The following ABCA5 variants were observed in gnomAD, a reference collection of about 807,000 sequenced individuals.
The protein encoded by ABCA5 is cholesterol transporter ABCA5.
Under a neutral mutation model 206.0 loss-of-function variants are expected in ABCA5, and 163 were observed. The ratio of observed to expected loss-of-function variants is 0.79; its 90% confidence interval spans 0.70 to 0.90. The LOEUF is 0.90. Among genes scored for constraint, ABCA5 ranks in the 40% least tolerant of loss-of-function variants. The probability of loss-of-function intolerance (pLI) is 0.00; values close to 1 mark genes in which losing one functional copy is unlikely to be tolerated. For missense variants in ABCA5, 1,859 were observed against 1,912.9 expected, an observed-to-expected ratio of 0.97 and a Z score of 0.53; for synonymous variants, 609 against 613.8, an observed-to-expected ratio of 0.99 and a Z score of 0.11.
chr17:69,298,279 GGA>G (rs1567774589), intron 9 of ABCA5, among the ~76,000 whole-genome samples: 8 of 97,266 alleles, frequency 8.2e-5, no homozygotes, highest in African/African-American at 3.2e-4. Context: ...AAGGAAGGAA[GGA>G]AGGGAGGGAG....
intron 21 of ABCA5, 33 bp downstream of exon 21, chr17:69,271,129 C>G: frequency 1.3e-6 from 2 of 1,591,368 alleles, no homozygotes; most frequent in Non-Finnish European, 1.7e-6. Flanking sequence ...GCATAACTCC[C>G]AAATGGATAT....
At chr17:69,252,894 A>G (rs1200001549) in intron 34 of ABCA5, among the ~76,000 whole-genome samples, 1 of 152,036 alleles carries the variant, frequency 6.6e-6, no homozygotes, top group African/African-American at 2.4e-5. Flanking sequence ...GGCACTGCAT[A>G]ATGACATTTC....
intron 2 of ABCA5, among the ~76,000 whole-genome samples, chr17:69,313,665 A>G (rs2075790717): frequency 6.6e-6 from 1 of 152,182 alleles, no homozygotes; most frequent in Non-Finnish European, 1.5e-5. Flanking sequence ...TGGATTCACC[A>G]TAAAAATGCC....
chr17:69,261,947 C>T (rs998915743), intron 24 of ABCA5, among the ~76,000 whole-genome samples, 199 bp from the exon 25 acceptor site: 8 of 151,880 alleles, frequency 5.3e-5, no homozygotes, highest in Admixed American at 2.0e-4. Context: ...CTAGCTACAA[C>T]GTTCTCTCTC....
chr17:69,284,079 G>GA lies in ABCA5; in HGVS notation c.2273-8dup, dbSNP rs777780778. The GA allele has an allele frequency of 3.1e-4, 475 of 1,532,016 alleles. No homozygotes were observed. Among genetic ancestry groups the GA allele is most frequent in the Non-Finnish European group, 3.9e-4 (451 of 1,144,544 alleles). The allele number at this position is 1,532,016 out of a possible 1,614,324, so 94.9% of individuals were successfully genotyped here. On this transcript the variant is annotated splice_polypyrimidine_tract_variant and splice_region_variant and intron_variant, in intron 17 of 38. Coordinates refer to ENST00000392676, the MANE Select transcript of ABCA5 (RefSeq NM_172232.4). ...TCTAGGGCAGAAAACAAACCTAAAA[G>GA]AAAAAAATGAAAGAATAGTATATCT... is the stretch of plus-strand genomic sequence containing the variant.
At chr17:69,293,747 G>T (rs2075552414) in intron 11 of ABCA5, among the ~76,000 whole-genome samples, 1 of 151,618 alleles carries the variant, frequency 6.6e-6, no homozygotes, top group African/African-American at 2.4e-5. Flanking sequence ...CTGCCTTACA[G>T]ATTTCTACAT....
Position 69,289,232 on chromosome 17 carries a change from C to G in ABCA5, c.1847G>C (p.Ser616Thr), listed in dbSNP as rs2075497595. The G allele has an allele frequency of 2.5e-6, 4 of 1,609,088 alleles. No homozygotes were observed. The Admixed American group carries it at 5.1e-5, about 20-fold the overall frequency. ...TGACAGCTTTCTTTTTTGACCACCACTTAATTTTTTAGCTTGGTTATCTTT... is the reference window on the plus strand; with the variant it reads ...TGACAGCTTTCTTTTTTGACCACCAGTTAATTTTTTAGCTTGGTTATCTTT... ...TIKDNQAKKLSGGQKRKLSLG... is the reference protein window; with the variant it reads ...TIKDNQAKKLTGGQKRKLSLG... The change falls in exon 14 of 39, where the codon AGT becomes ACT. Residue 616 changes from serine to threonine, a missense_variant. Ser to Thr is a moderately conservative substitution (Grantham distance 58). Transcript: ENST00000392676.
chr17:69,310,716 A>C (rs956324464), intron 3 of ABCA5, among the ~76,000 whole-genome samples: 5 of 151,992 alleles, frequency 3.3e-5, no homozygotes, highest in African/African-American at 1.2e-4. Context: ...TCACTACAGA[A>C]GCTTCAAACA....
At chr17:69,251,262 C>T (rs895448369) in intron 35 of ABCA5, 8 of 153,410 alleles carry the variant, frequency 5.2e-5, no homozygotes, top group Admixed American at 5.2e-4. Flanking sequence ...TTCTGTCGTT[C>T]ATTTTTTACA....
rs756231331 is a variant in ABCA5 at position 69,273,950 on chromosome 17, C to A, written c.2764+9G>T. The A allele has an allele frequency of 6.3e-7, 1 of 1,597,124 alleles. No homozygotes were observed. Among genetic ancestry groups the A allele is most frequent in the Non-Finnish European group, 8.5e-7 (1 of 1,174,564 alleles). On this transcript the variant is annotated intron_variant, in intron 20 of 38. Coordinates refer to ENST00000392676, the MANE Select transcript of ABCA5 (RefSeq NM_172232.4). ...CAACACTCGTTCACAGACCTTCACA[C>A]ACTCTCACCAGCAGAATTTTGAAGA...
In ABCA5 at chr17:69,250,524, G is replaced by A. The variant is rs200779886; in HGVS notation, c.4633C>T (p.Arg1545Cys). 166 of 1,600,852 alleles carry A rather than the reference G, an allele frequency of 1.0e-4. No homozygotes were observed. Among genetic ancestry groups the A allele is most frequent in the Middle Eastern group, 1.7e-4 (1 of 6,034 alleles). ...ATATACTGAATTTCTCTTTGAAGGC[G>A]GTCTACTTCTAGGTTTTCTATCCAG... ...KDWIENLEVD[R>C]LQREIQYIFP... Residue 1545 changes from arginine (R) to cysteine (C), a missense_variant, in exon 36 of 39, where the codon CGC becomes TGC. Physicochemically the swap from Arg to Cys is radical, Grantham distance 180. Transcript: ENST00000392676.
Position 69,297,192 on chromosome 17 carries a change from T to G in ABCA5, c.1435A>C (p.Arg479=), listed in dbSNP as rs1253581929. 6.2e-7 allele frequency: 1 copy of G among 1,610,942 alleles called. No homozygotes were observed. Among genetic ancestry groups the G allele is most frequent in the East Asian group, 2.2e-5 (1 of 44,700 alleles). The change falls in exon 10 of 39, where the codon AGA becomes CGA. Residue 479 remains arginine (R), a splice_region_variant and synonymous_variant. Transcript: ENST00000392676. ...AAATTGCCAAAGATTGAACCATACC[T>G]TATGGCTTCTTTTCCTACAAATTCT... ...SSEFVGKEAI[R]ISGIQKTYRK...
intron 24 of ABCA5, among the ~76,000 whole-genome samples, chr17:69,264,285 A>C (rs1305564847): frequency 6.6e-6 from 1 of 151,990 alleles, no homozygotes; most frequent in African/African-American, 2.4e-5. Flanking sequence ...TAGGTATTTT[A>C]ATTTTTTGTG....
At chr17:69,263,760 G>A (rs561865683) in intron 24 of ABCA5, among the ~76,000 whole-genome samples, 1 of 134,796 alleles carries the variant, frequency 7.4e-6, no homozygotes, top group African/African-American at 2.9e-5. Context: ...GCAGTAGCAC[G>A]ATCTTGGCTC....
chr17:69,318,742 G>C, intron 1 of ABCA5: 1 of 638,414 alleles, frequency 1.6e-6, no homozygotes. Context: ...CATGAGCAAA[G>C]CTTACACTCC....
intron 10 of ABCA5, among the ~76,000 whole-genome samples, chr17:69,296,584 T>C (rs55812797): frequency 0.03 from 4,593 of 152,380 alleles, 101 homozygotes; most frequent in Non-Finnish European, 0.049. Flanking sequence ...ATATTTATCA[T>C]GTTTCAGTCT....
intron 5 of ABCA5, 63 bp from the exon 6 acceptor site, chr17:69,307,017 CG>C: frequency 8.3e-7 from 1 of 1,202,976 alleles, no homozygotes. Flanking sequence ...CCTAGTAAAA[CG>C]GGACAGCTAT....
At chr17:69,274,953 C>T (rs1252167162) in intron 19 of ABCA5, among the ~76,000 whole-genome samples, 1 of 145,196 alleles carries the variant, frequency 6.9e-6, no homozygotes, top group Non-Finnish European at 1.5e-5. Flanking sequence ...AAACGATTGT[C>T]ATGCCTCAGC....
At chr17:69,308,242 T>C in intron 5 of ABCA5, 38 bp downstream of exon 5, 1 of 1,302,820 alleles carries the variant, frequency 7.7e-7, no homozygotes, top group South Asian at 1.3e-5. Flanking sequence ...TATTTTAAAA[T>C]GGCATAGTTT....
Sources: gnomAD v4.1 joint callset for allele counts (sites outside exome capture counted in the v4.1 genomes callset) on GRCh38, gnomAD v4.1.1 for gene constraint, MANE v1.5 for transcripts, NCBI Gene and HGNC (gene_info 2026-07-23, HGNC 2026-07-21) for gene names.